The following ZNF33B variants were observed in gnomAD, a reference collection of about 807,000 sequenced individuals.
ZNF33B encodes the protein zinc finger protein 33B, also known as zinc finger protein 11b (KOX 2).
In ZNF33B, 29 loss-of-function variants were observed where a neutral mutation model predicts 45.8. The observed-to-expected ratio is 0.63, with a 90% CI of 0.47 to 0.86. The LOEUF is 0.86. ZNF33B is among the 40% of genes least tolerant of loss of function. The pLI, the probability that ZNF33B is intolerant of heterozygous loss-of-function variation, is 0.00. For synonymous variants in ZNF33B, 305 were observed against 307.8 expected, an observed-to-expected ratio of 0.99 and a Z score of 0.10; for missense variants, 831 against 909.9, an observed-to-expected ratio of 0.91 and a Z score of 1.12.
At chr10:42,584,572 G>A (rs541450397), downstream of ZNF33B, among the ~76,000 whole-genome samples, 1 of 151,914 alleles carries the variant, frequency 6.6e-6, no homozygotes, top group African/African-American at 2.4e-5. Flanking sequence ...CCAGGCTGGA[G>A]TGCAATGGCA....
Position 42,591,650 on chromosome 10 carries a change from G to C in ZNF33B, c.*963C>G, listed in dbSNP as rs1292003400. ...TATATCACATACCACTTGTACATATGTAAGTCCTATGAACTTCAGGGATAA... is the reference window on the plus strand; with the variant it reads ...TATATCACATACCACTTGTACATATCTAAGTCCTATGAACTTCAGGGATAA... On this transcript the variant is annotated 3_prime_UTR_variant, in exon 5 of 5. Transcript: ENST00000359467. 2 of 390,036 alleles carry C rather than the reference G, an allele frequency of 5.1e-6. No individual in the cohort carries two copies. Among genetic ancestry groups the C allele is most frequent in the African/African-American group, 2.2e-5 (1 of 46,122 alleles). The allele number at this position is 390,036 out of a possible 1,614,324, so 24.2% of individuals were successfully genotyped here.
intron 4 of ZNF33B, among the ~76,000 whole-genome samples, chr10:42,612,763 C>T (rs1484209240): frequency 3.9e-5 from 6 of 152,172 alleles, no homozygotes; most frequent in African/African-American, 1.2e-4. Flanking sequence ...CTGAAAGACA[C>T]TGTAGAGAAC....
At chr10:42,636,745 A>C in intron 2 of ZNF33B, 175 bp downstream of exon 2, 1 of 789,488 alleles carries the variant, frequency 1.3e-6, no homozygotes, top group Non-Finnish European at 2.0e-6. Flanking sequence ...GCTTGAACCC[A>C]GGAGGCAGAG....
intron 1 of ZNF33B, among the ~76,000 whole-genome samples, chr10:42,637,325 T>C (rs893245547): frequency 1.3e-5 from 2 of 152,208 alleles, no homozygotes; most frequent in Admixed American, 6.5e-5. Context: ...ACTAAAACCA[T>C]TGTAAAGAAT....
At chr10:42,635,198 AC>A (rs747981188) in intron 2 of ZNF33B, among the ~76,000 whole-genome samples, 5 of 151,352 alleles carry the variant, frequency 3.3e-5, no homozygotes, top group Admixed American at 1.3e-4. Flanking sequence ...CCAAGATCGC[AC>A]CACTGCACTC....
chr10:42,576,782 A>C (rs1189657433), intron 1 of ZNF33B, among the ~76,000 whole-genome samples: 1 of 152,234 alleles, frequency 6.6e-6, no homozygotes, highest in Non-Finnish European at 1.5e-5. Flanking sequence ...CTATGAGCAG[A>C]CAGAAACCAA....
At chr10:42,631,077 G>C (rs1839030352) in intron 4 of ZNF33B, among the ~76,000 whole-genome samples, 1 of 152,098 alleles carries the variant, frequency 6.6e-6, no homozygotes, top group Admixed American at 6.5e-5. Flanking sequence ...GGTTTCCCCT[G>C]ACTGTTCCTT....
intron 4 of ZNF33B, among the ~76,000 whole-genome samples, chr10:42,601,495 A>G (rs1241211891): frequency 1.7e-5 from 1 of 59,110 alleles, no homozygotes. Flanking sequence ...TTTTTTTTTG[A>G]GACACAGTCT....
intron 1 of ZNF33B, among the ~76,000 whole-genome samples, chr10:42,575,711 AAT>A (rs141485546): frequency 4.0e-4 from 58 of 143,450 alleles, no homozygotes; most frequent in East Asian, 4.3e-4. Flanking sequence ...ACTGCATAAT[AAT>A]ATATATATAT....
intron 1 of ZNF33B, among the ~76,000 whole-genome samples, chr10:42,576,846 T>C (rs1298770843): frequency 1.3e-5 from 2 of 152,074 alleles, no homozygotes; most frequent in Admixed American, 6.6e-5. Flanking sequence ...AATTTCCCAG[T>C]CCAGGGCCGG....
chr10:42,598,303 A>T (rs1299640053), intron 4 of ZNF33B, among the ~76,000 whole-genome samples: 1 of 152,254 alleles, frequency 6.6e-6, no homozygotes, highest in Admixed American at 6.5e-5. Context: ...TAAGAATGGC[A>T]GAGGGACAGA....
intron 4 of ZNF33B, among the ~76,000 whole-genome samples, chr10:42,599,442 C>T (rs1837533122): frequency 6.8e-6 from 1 of 146,992 alleles, no homozygotes; most frequent in African/African-American, 2.5e-5. Context: ...AAACTTCATA[C>T]ATGTGTATAT....
chr10:42,595,349 G>A (rs1837353681), intron 4 of ZNF33B, among the ~76,000 whole-genome samples: 1 of 152,180 alleles, frequency 6.6e-6, no homozygotes, highest in Non-Finnish European at 1.5e-5. Context: ...AAATCCAAGA[G>A]AAGAGACTTG....
chr10:42,632,413 T>G lies in ZNF33B; in HGVS notation c.36A>C (p.Val12=), dbSNP rs774203576. 6.2e-7 allele frequency: 1 copy of G among 1,613,614 alleles called. No individual in the cohort carries two copies. The highest frequency in any genetic ancestry group is 2.2e-5 in the East Asian group (1 of 44,874). ...AGCCCACAGTCACATCTTTAAATGA[T>G]ACTGACCCCTGGAACTTCTGATCTA... ...NKVDQKFQGS[V]SFKDVTVGFT... Residue 12 remains valine (V), a synonymous_variant, in exon 3 of 5, where the codon GTA becomes GTC. Coordinates refer to ENST00000359467, the MANE Select transcript of ZNF33B (RefSeq NM_006955.3).
At position 42,593,910 on chromosome 10, in the gene ZNF33B, T is replaced by C; in HGVS notation, c.1040A>G (p.His347Arg). The change falls in exon 5 of 5, where the codon CAT becomes CGT. Residue 347 changes from histidine (H) to arginine (R), a missense_variant. Transcript: ENST00000359467. ...AFWEKSHLTRHQRVHTGEKHF... is the reference protein window; with the variant it reads ...AFWEKSHLTRRQRVHTGEKHF... ...TTTCTCTCCTGTGTGCACCCTCTGA[T>C]GTCGAGTGAGATGTGACTTCTCCCA... The C allele has an allele frequency of 6.2e-7, 1 of 1,614,078 alleles. No homozygotes were observed. The highest frequency in any genetic ancestry group is 8.5e-7 in the Non-Finnish European group (1 of 1,179,936).
intron 2 of ZNF33B, among the ~76,000 whole-genome samples, chr10:42,634,623 CA>C (rs1185805388): frequency 2.0e-5 from 3 of 151,754 alleles, no homozygotes; most frequent in East Asian, 1.9e-4. Flanking sequence ...GAACACAGTC[CA>C]AAAAAACACA....
downstream of ZNF33B, among the ~76,000 whole-genome samples, chr10:42,586,088 G>A (rs1008714169): frequency 3.3e-5 from 5 of 151,886 alleles, no homozygotes; most frequent in Admixed American, 2.0e-4. Flanking sequence ...TTTCTCTAGG[G>A]TGTGCATACT....
At chr10:42,579,775 T>C (rs896367567) in intron 1 of ZNF33B, 3 of 154,396 alleles carry the variant, frequency 1.9e-5, no homozygotes, top group Admixed American at 6.5e-5. Context: ...CCTTCAAGCA[T>C]TGTTTAAGCA....
chr10:42,608,592 A>C (rs892928644), intron 4 of ZNF33B, among the ~76,000 whole-genome samples: 1 of 152,190 alleles, frequency 6.6e-6, no homozygotes, highest in Non-Finnish European at 1.5e-5. Flanking sequence ...AAAAAATGCT[A>C]TGAGGTAAAA....
Sources: allele counts gnomAD v4.1 joint callset (sites outside exome capture counted in the v4.1 genomes callset), GRCh38; gene constraint gnomAD v4.1.1; transcripts MANE v1.5; gene names NCBI Gene and HGNC (gene_info 2026-07-23, HGNC 2026-07-21).